Variants in MLLT3 observed in about 807,000 individuals in gnomAD.
MLLT3 encodes the protein MLLT3 super elongation complex subunit, also known as protein AF-9.
Under a neutral mutation model 53.2 loss-of-function variants are expected in MLLT3, and 4 were observed. The ratio of observed to expected loss-of-function variants is 0.08; its 90% confidence interval spans 0.04 to 0.17. MLLT3 has a LOEUF of 0.17. MLLT3 is among the 10% of genes least tolerant of loss of function. The pLI, the probability that MLLT3 is intolerant of heterozygous loss-of-function variation, is 1.00. For synonymous variants in MLLT3, 283 were observed against 230.6 expected, an observed-to-expected ratio of 1.23 and a Z score of -2.06; for missense variants, 569 against 684.0, an observed-to-expected ratio of 0.83 and a Z score of 1.87.
chr9:20,548,125 T>C (rs1818837658), intron 2 of MLLT3, among the ~76,000 whole-genome samples: 1 of 152,244 alleles, frequency 6.6e-6, no homozygotes, highest in African/African-American at 2.4e-5. Context: ...CAATTTTCCA[T>C]TAATTGAATC....
At chr9:20,360,322 G>A (rs181383397) in intron 8 of MLLT3, among the ~76,000 whole-genome samples, 1 of 152,086 alleles carries the variant, frequency 6.6e-6, no homozygotes, top group East Asian at 1.9e-4. Context: ...TACAGATAAG[G>A]AAACTGAGAA....
intron 5 of MLLT3, among the ~76,000 whole-genome samples, chr9:20,384,376 C>T (rs965740172): frequency 1.3e-5 from 2 of 152,048 alleles, no homozygotes; most frequent in African/African-American, 4.8e-5. Flanking sequence ...GGTATATCAT[C>T]AATGCCAATT....
intron 2 of MLLT3, among the ~76,000 whole-genome samples, chr9:20,615,586 G>A (rs1820812501): frequency 6.6e-6 from 1 of 151,778 alleles, no homozygotes; most frequent in Non-Finnish European, 1.5e-5. Context: ...CAGCTTCCAT[G>A]TATTGGGCAA....
chr9:20,604,498 T>C (rs1820514799), intron 2 of MLLT3, among the ~76,000 whole-genome samples: 1 of 152,084 alleles, frequency 6.6e-6, no homozygotes, highest in Non-Finnish European at 1.5e-5. Flanking sequence ...TTCCAAGACA[T>C]GAAAATATAA....
At chr9:20,409,258 T>C (rs1357623961) in intron 5 of MLLT3, among the ~76,000 whole-genome samples, 1 of 152,186 alleles carries the variant, frequency 6.6e-6, no homozygotes, top group African/African-American at 2.4e-5. Flanking sequence ...TACGTGGTTA[T>C]CTCAATTTTC....
intron 2 of MLLT3, among the ~76,000 whole-genome samples, chr9:20,530,071 C>T (rs925404814): frequency 1.3e-5 from 2 of 152,122 alleles, no homozygotes; most frequent in Admixed American, 6.5e-5. Context: ...CCTCCTATTT[C>T]AAAGGAAAGC....
At position 20,503,296 on chromosome 9, in the gene MLLT3, A is replaced by G. The variant is rs149767407; in HGVS notation, c.194-46510T>C. Among the ~76,000 whole-genome samples the G allele has an allele frequency of 5.0e-3, 760 of 152,356 alleles. 4 individuals are homozygous for G. Among genetic ancestry groups the G allele is most frequent in the African/African-American group, 0.016 (671 of 41,590 alleles). On this transcript the variant is annotated intron_variant, in intron 2 of 10. Transcript: ENST00000380338. ...ATCACACTATCTAACTTCAAAGTAT[A>G]CTACCAAGCTACAGTAATCAATACA... is the stretch of plus-strand genomic sequence containing the variant.
intron 5 of MLLT3, among the ~76,000 whole-genome samples, chr9:20,401,308 A>C (rs1822448767): frequency 6.6e-6 from 1 of 152,218 alleles, no homozygotes; most frequent in Non-Finnish European, 1.5e-5. Flanking sequence ...TTTCTAATTT[A>C]GGTTAATAAA....
chr9:20,541,894 A>C (rs1021125325), intron 2 of MLLT3, among the ~76,000 whole-genome samples: 1 of 152,202 alleles, frequency 6.6e-6, no homozygotes, highest in Admixed American at 6.5e-5. Flanking sequence ...TGAAGTCTTC[A>C]ACCCCTCAAA....
chr9:20,488,780 T>C (rs1402325608), intron 2 of MLLT3, among the ~76,000 whole-genome samples: 2 of 152,268 alleles, frequency 1.3e-5, no homozygotes, highest in East Asian at 1.9e-4. Context: ...ATGAAAGAAA[T>C]TGTACTGCCA....
intron 2 of MLLT3, among the ~76,000 whole-genome samples, chr9:20,489,668 A>G (rs1824898365): frequency 6.6e-6 from 1 of 152,230 alleles, no homozygotes; most frequent in African/African-American, 2.4e-5. Flanking sequence ...CATGGCTAAG[A>G]GTACCTAAAA....
intron 2 of MLLT3, among the ~76,000 whole-genome samples, chr9:20,524,501 C>T (rs34584351): frequency 0.019 from 2,943 of 151,520 alleles, 42 homozygotes; most frequent in Non-Finnish European, 0.029. Flanking sequence ...AAAGGAATAA[C>T]GGTGACTAAC....
At chr9:20,501,702 G>C (rs976843377) in intron 2 of MLLT3, among the ~76,000 whole-genome samples, 3 of 136,474 alleles carry the variant, frequency 2.2e-5, no homozygotes, top group Non-Finnish European at 4.6e-5. Flanking sequence ...CGTGAGCCGA[G>C]ATTGCGCCAC....
chr9:20,512,994 T>C (rs1333885073), intron 2 of MLLT3, among the ~76,000 whole-genome samples: 1 of 152,246 alleles, frequency 6.6e-6, no homozygotes, highest in East Asian at 1.9e-4. Context: ...AGACACCATA[T>C]TAAGAACTGT....
intron 5 of MLLT3, among the ~76,000 whole-genome samples, chr9:20,382,935 T>A (rs1006064880): frequency 6.6e-6 from 1 of 151,892 alleles, no homozygotes; most frequent in African/African-American, 2.4e-5. Flanking sequence ...CTATCAGTAA[T>A]AGCACACACT....
At chr9:20,510,195 A>G (rs1174304694) in intron 2 of MLLT3, among the ~76,000 whole-genome samples, 1 of 152,196 alleles carries the variant, frequency 6.6e-6, no homozygotes, top group Non-Finnish European at 1.5e-5. Flanking sequence ...AATTCCAACA[A>G]CTTGATAAGC....
At chr9:20,552,137 T>C (rs1818940497) in intron 2 of MLLT3, among the ~76,000 whole-genome samples, 1 of 152,204 alleles carries the variant, frequency 6.6e-6, no homozygotes, top group Non-Finnish European at 1.5e-5. Flanking sequence ...CAGAAGCATA[T>C]TGGCAGAGGA....
At chr9:20,394,611 A>C (rs1384523379) in intron 5 of MLLT3, among the ~76,000 whole-genome samples, 3 of 152,126 alleles carry the variant, frequency 2.0e-5, no homozygotes, top group Non-Finnish European at 4.4e-5. Context: ...GAACTGATCT[A>C]CTCAGAATAT....
At chr9:20,436,344 G>T (rs1823403594) in intron 4 of MLLT3, among the ~76,000 whole-genome samples, 1 of 152,158 alleles carries the variant, frequency 6.6e-6, no homozygotes, top group African/African-American at 2.4e-5. Flanking sequence ...TTAGGGGAAA[G>T]GGATTTCTAA....
Sources: gnomAD v4.1 joint callset for allele counts (sites outside exome capture counted in the v4.1 genomes callset) on GRCh38, gnomAD v4.1.1 for gene constraint, MANE v1.5 for transcripts, NCBI Gene and HGNC (gene_info 2026-07-23, HGNC 2026-07-21) for gene names.